Variants in MTERF4 observed in about 807,000 individuals in gnomAD.
MTERF4 encodes the protein mitochondrial transcription termination factor 4, also known as transcription termination factor 4, mitochondrial.
A neutral mutation model predicts 22.5 loss-of-function variants in MTERF4; 17 were observed. The observed-to-expected ratio is 0.75, with a 90% CI of 0.52 to 1.13. The LOEUF is 1.13. Ranked by LOEUF, MTERF4 falls within the 50% of genes most tolerant of loss-of-function variation. MTERF4 has a pLI of 0.00. For missense variants in MTERF4, 420 were observed against 466.8 expected, an observed-to-expected ratio of 0.90 and a Z score of 0.92; for synonymous variants, 165 against 175.3, an observed-to-expected ratio of 0.94 and a Z score of 0.47.
At chr2:241,056,682 G>A in the MTERF4 span, among the ~76,000 whole-genome samples, 10 of 143,272 alleles carry the variant, frequency 7.0e-5, no homozygotes, top group South Asian at 4.5e-4. Flanking sequence ...CTGGGTTCAC[G>A]CCATTCTCCT....
chr2:241,069,876 C>T (rs777110335), downstream of MTERF4: 43 of 1,591,352 alleles, frequency 2.7e-5, no homozygotes, highest in Non-Finnish European at 3.5e-5. This position sits in a 1 kb window ranked among gnomAD's most constrained non-coding sequence, Gnocchi z 4.9. Flanking sequence ...GCCAGAAGAC[C>T]CTGTGGGCAC....
At chr2:241,095,133 C>CT (rs2064334799), downstream of MTERF4, 1 of 151,242 alleles carries the variant, frequency 6.6e-6, no homozygotes, top group African/African-American at 2.4e-5. Context: ...AGCCCACCTG[C>CT]TCCATGACCC....
Position 241,099,825 on chromosome 2 carries a change from C to G in MTERF4, c.91G>C (p.Glu31Gln), listed in dbSNP as rs1167517934. Reference sequence around the variant, plus strand: ...AAAGAAGCTGTCGTCCTTCTCTGTTCTCCAAGATGAGGAGTCTGCCTAGCC... The same window carrying G: ...AAAGAAGCTGTCGTCCTTCTCTGTTGTCCAAGATGAGGAGTCTGCCTAGCC... ...CMARQTPHLG[E>Q]QRRTTASLLR... The change falls in exon 2 of 4, where the codon GAA becomes CAA. Residue 31 changes from glutamate to glutamine, a missense_variant. By Grantham distance (29) the Glu-to-Gln change is conservative. Transcript: ENST00000391980. The G allele has an allele frequency of 6.2e-7, 1 of 1,614,100 alleles. No homozygotes were observed. Among genetic ancestry groups the G allele is most frequent in the East Asian group, 2.2e-5 (1 of 44,880 alleles).
At chr2:241,052,409 G>A in the MTERF4 span, 106 of 1,603,696 alleles carry the variant, frequency 6.6e-5, no homozygotes, top group Non-Finnish European at 8.2e-5. Flanking sequence ...TGCGAGGACC[G>A]GGACACGGAT....
At chr2:241,079,751 T>C (rs775595768) in intron 4 of MTERF4, among the ~76,000 whole-genome samples, 10 of 152,136 alleles carry the variant, frequency 6.6e-5, no homozygotes, top group African/African-American at 2.4e-4. Context: ...GAAAAAAATA[T>C]CATTGCAAGC....
chr2:241,070,320 A>T, downstream of MTERF4: 3 of 1,103,076 alleles, frequency 2.7e-6, no homozygotes, highest in Non-Finnish European at 3.8e-6. Context: ...TAGAAACAGG[A>T]CCGTGTTAGC....
At chr2:241,077,074 G>A (rs569116934) in intron 4 of MTERF4, among the ~76,000 whole-genome samples, 70 of 139,550 alleles carry the variant, frequency 5.0e-4, no homozygotes, top group African/African-American at 1.9e-3. Context: ...GCGAGACTCC[G>A]TCTCAAAAAA....
chr2:241,079,605 A>G (rs1246524983), intron 4 of MTERF4, among the ~76,000 whole-genome samples: 5 of 152,156 alleles, frequency 3.3e-5, no homozygotes, highest in African/African-American at 1.2e-4. Flanking sequence ...CTCTGAATGA[A>G]CCTTGTTTTA....
At chr2:241,049,402 G>A in the MTERF4 span, among the ~76,000 whole-genome samples, 1 of 152,184 alleles carries the variant, frequency 6.6e-6, no homozygotes, top group African/African-American at 2.4e-5. Context: ...CCCAACACAA[G>A]CTATTAAAAT....
chr2:241,087,983 G>A (rs550602604), downstream of MTERF4: 9 of 396,196 alleles, frequency 2.3e-5, no homozygotes, highest in African/African-American at 4.1e-5. Context: ...GTAGCCACAC[G>A]TACTTGTTTG....
chr2:241,070,217 C>G (rs1270515078), downstream of MTERF4: 1 of 1,592,714 alleles, frequency 6.3e-7, no homozygotes, highest in Non-Finnish European at 8.5e-7. Flanking sequence ...TGCCGTGGGC[C>G]CTGCGCGTGG....
At chr2:241,048,283 G>A in the MTERF4 span, 241 of 1,566,508 alleles carry the variant, frequency 1.5e-4, no homozygotes, top group Non-Finnish European at 1.8e-4. Context: ...CATTCCCTGC[G>A]TGGCCGCTGG....
At chr2:241,052,202 C>G in the MTERF4 span, 6 of 1,553,370 alleles carry the variant, frequency 3.9e-6, no homozygotes, top group Non-Finnish European at 5.3e-6. Context: ...GGGGTGAACC[C>G]TCTCTGCAGA....
downstream of MTERF4, among the ~76,000 whole-genome samples, chr2:241,083,741 C>A (rs536063033): frequency 8.7e-4 from 133 of 152,278 alleles, no homozygotes; most frequent in Middle Eastern, 0.01. Flanking sequence ...TATCCTTTCA[C>A]TTTTAACCTA....
At chr2:241,068,687 C>T (rs1333890680), downstream of MTERF4, among the ~76,000 whole-genome samples, 2 of 152,156 alleles carry the variant, frequency 1.3e-5, no homozygotes, top group Admixed American at 1.3e-4. This position sits in a 1 kb window ranked among gnomAD's most constrained non-coding sequence, Gnocchi z 5.3. Flanking sequence ...GCCCCAAGCG[C>T]ACCCGATCCT....
At chr2:241,063,964 C>T in the MTERF4 span, 1 of 1,378,332 alleles carries the variant, frequency 7.3e-7, no homozygotes, top group Non-Finnish European at 1.0e-6. Context: ...CCTCCCTCCC[C>T]CAGACTCCCC....
the MTERF4 span, chr2:241,048,529 C>T: frequency 3.9e-5 from 58 of 1,503,902 alleles, no homozygotes; most frequent in Non-Finnish European, 4.9e-5. Context: ...GGAAACGCCC[C>T]GAAAAGAAAC....
downstream of MTERF4, chr2:241,069,001 C>G: frequency 4.5e-6 from 7 of 1,552,798 alleles, no homozygotes; most frequent in Non-Finnish European, 6.1e-6. The surrounding 1 kb of genome is among the most constrained non-coding windows in gnomAD (Gnocchi z 4.9). Flanking sequence ...GCCTGGCCAC[C>G]GCGCCGACGC....
At chr2:241,089,341 A>G (rs2063757924), downstream of MTERF4, 2 of 1,550,570 alleles carry the variant, frequency 1.3e-6, no homozygotes, top group African/African-American at 1.4e-5. Context: ...GCCACTTCAA[A>G]ACAGGTCTAT....
Sources: allele counts gnomAD v4.1 joint callset (sites outside exome capture counted in the v4.1 genomes callset), GRCh38; gene constraint gnomAD v4.1.1; non-coding constraint Gnocchi (gnomAD v3.1); transcripts MANE v1.5; gene names NCBI Gene and HGNC (gene_info 2026-07-23, HGNC 2026-07-21).